The following DNAH5 variants were observed in gnomAD, a reference collection of about 807,000 sequenced individuals.
The protein encoded by DNAH5 is axonemal beta dynein heavy chain 5.
Under a neutral mutation model 518.2 loss-of-function variants are expected in DNAH5, and 372 were observed. The observed-to-expected ratio is 0.72, with a 90% CI of 0.66 to 0.78. The LOEUF (loss-of-function observed/expected upper bound fraction) is 0.78, where lower values mean the gene tolerates loss of function less well. DNAH5 is among the 30% of genes least tolerant of loss of function. The pLI is 0.00. For synonymous variants in DNAH5, 2,039 were observed against 2,025.9 expected (o/e 1.01, Z -0.17); for missense variants, 5,523 against 5,687.0 (o/e 0.97, Z 0.93).
intron 1 of DNAH5, among the ~76,000 whole-genome samples, chr5:13,966,717 T>C (rs1781552873): frequency 6.6e-6 from 1 of 152,246 alleles, no homozygotes; most frequent in Non-Finnish European, 1.5e-5. Flanking sequence ...GTTTGATTTT[T>C]TCTTGCCGAT....
At position 13,944,658 on chromosome 5, in the gene DNAH5, C is replaced by T. The variant is rs1779769410; in HGVS notation, c.-220G>A. The stretch of plus-strand genomic sequence containing the variant: ...TTTCTCCTAGAGTGTCTGCCCTGGG[C>T]CTCTCCTCTCTCTCGAAGCCTGGTG... On this transcript the variant is annotated 5_prime_UTR_variant, in exon 1 of 79. Coordinates refer to ENST00000265104, the MANE Select transcript of DNAH5 (RefSeq NM_001369.3). 5.2e-6 allele frequency: 3 copies of T among 574,034 alleles called. No individual in the cohort carries two copies. Among genetic ancestry groups the T allele is most frequent in the Non-Finnish European group, 9.4e-6 (3 of 319,426 alleles). The allele number at this position is 574,034 out of a possible 1,614,324, so 35.6% of individuals were successfully genotyped here.
intron 68 of DNAH5, among the ~76,000 whole-genome samples, chr5:13,730,580 A>G (rs1579947008): frequency 6.6e-6 from 1 of 151,824 alleles, no homozygotes; most frequent in Admixed American, 6.6e-5. Flanking sequence ...GACTACAGGC[A>G]CCCGCCACCA....
At chr5:13,906,834 G>A (rs975701494) in intron 12 of DNAH5, among the ~76,000 whole-genome samples, 8 of 151,976 alleles carry the variant, frequency 5.3e-5, no homozygotes, top group African/African-American at 9.7e-5. Context: ...GTGACCCTTC[G>A]TGGAAAAGAT....
chr5:13,979,817 A>T (rs1476901503), intron 1 of DNAH5, among the ~76,000 whole-genome samples: 2 of 150,662 alleles, frequency 1.3e-5, no homozygotes, highest in Non-Finnish European at 2.9e-5. Context: ...TTACTGATCA[A>T]CTGCATTTGG....
In DNAH5 at chr5:13,885,948, T is replaced by C; in HGVS notation, c.2743+16A>G. ...GTCATAGAAAAACAAGACCCTTTCA[T>C]TACCCCATCTCTTACCTGAACTTTC... On this transcript the variant is annotated intron_variant, in intron 18 of 78. Coordinates refer to ENST00000265104, the MANE Select transcript of DNAH5 (RefSeq NM_001369.3). 6.2e-7 allele frequency: 1 copy of C among 1,609,474 alleles called. No individual in the cohort carries two copies. Among genetic ancestry groups the C allele is most frequent in the Non-Finnish European group, 8.5e-7 (1 of 1,177,650 alleles).
At chr5:13,941,438 T>C (rs1779450953) in intron 1 of DNAH5, among the ~76,000 whole-genome samples, 1 of 152,194 alleles carries the variant, frequency 6.6e-6, no homozygotes, top group African/African-American at 2.4e-5. Flanking sequence ...TCCAGTGCTC[T>C]AAGGAAATGG....
rs1765486674 is a variant in DNAH5 at position 13,842,932 on chromosome 5, C to T, written c.5272-1028G>A. On this transcript the variant is annotated intron_variant, in intron 32 of 78. Transcript: ENST00000265104. ...GCATTTAATTCACAAAAGGGAGCTA[C>T]ACAGTAAATAAGATACTGAAAGACA... 3.3e-5 allele frequency among the ~76,000 whole-genome samples: 5 copies of T among 152,152 alleles called. No individual in the cohort carries two copies. The South Asian group carries it at 1.0e-3, about 32-fold the overall frequency.
Position 13,823,331 on chromosome 5 carries a change from C to G in DNAH5, c.6619G>C (p.Asp2207His). 1 of 1,613,930 alleles carries G rather than the reference C, an allele frequency of 6.2e-7. No homozygotes were observed. The highest frequency in any genetic ancestry group is 8.5e-7 in the Non-Finnish European group (1 of 1,179,888). Residue 2207 changes from aspartate (D) to histidine (H), a missense_variant, in exon 40 of 79, where the codon GAT (aspartate) becomes CAT (histidine). Asp to His is a moderately conservative substitution (Grantham distance 81). Transcript: ENST00000265104. ...TCCAGAAGAATATTTGGAAAGAGAT[C>G]TTCAATCAAACTCAAAAACAAGGGT... ...DEPLFLSLIEDLFPNILLDKA... is the reference protein window; with the variant it reads ...DEPLFLSLIEHLFPNILLDKA...
At position 13,745,469 on chromosome 5, in the gene DNAH5, G is replaced by A. The variant is rs118045548; in HGVS notation, c.11211+5609C>T. ...CATCCATACGCTCTAAGGTTTACAC[G>A]TGTTTCTGAAGCAAACAAACCTGAA... On this transcript the variant is annotated intron_variant, in intron 65 of 78. Coordinates refer to ENST00000265104, the MANE Select transcript of DNAH5 (RefSeq NM_001369.3). Among the ~76,000 whole-genome samples, 20 of 152,172 alleles carry A rather than the reference G, an allele frequency of 1.3e-4. No homozygotes were observed. The East Asian group carries it at 2.9e-3, about 22-fold the overall frequency.
intron 2 of DNAH5, among the ~76,000 whole-genome samples, chr5:13,928,983 C>T (rs1375591110): frequency 6.6e-6 from 1 of 152,188 alleles, no homozygotes; most frequent in African/African-American, 2.4e-5. Context: ...CCGGGAACTC[C>T]ACTTCTGGGT....
chr5:13,927,966 C>A, intron 3 of DNAH5, 128 bp downstream of exon 3: 1 of 732,778 alleles, frequency 1.4e-6, no homozygotes, highest in South Asian at 1.5e-5. Flanking sequence ...CACATGGACC[C>A]ACACACGCAT....
At chr5:13,779,235 T>TTAGAA (rs1484447727) in intron 53 of DNAH5, among the ~76,000 whole-genome samples, 1 of 152,222 alleles carries the variant, frequency 6.6e-6, no homozygotes, top group East Asian at 1.9e-4. Flanking sequence ...GCTTGATTTC[T>TTAGAA]AACCAAAAAC....
intron 64 of DNAH5, among the ~76,000 whole-genome samples, chr5:13,751,897 G>A (rs1750288323): frequency 6.6e-6 from 1 of 152,152 alleles, no homozygotes; most frequent in African/African-American, 2.4e-5. Context: ...AGGCTTCAAA[G>A]CTGTCAGCAT....
At position 13,823,284 on chromosome 5, in the gene DNAH5, C is replaced by A. The variant is rs1762463272; in HGVS notation, c.6666G>T (p.Leu2222=). 5.0e-6 allele frequency: 8 copies of A among 1,612,404 alleles called. No individual in the cohort carries two copies. The South Asian group carries it at 8.8e-5, about 18-fold the overall frequency. The part of the protein sequence containing the change: ...ILLDKAGYPE[L]EAAISRQVEE... ...TTACCTGTCTACTAATTGCTGCTTC[C>A]AGTTCAGGGTAACCTGCCTTGTCCA... is the stretch of plus-strand genomic sequence containing the variant. Residue 2222 remains leucine, a synonymous_variant, in exon 40 of 79, where the codon CTG becomes CTT. Transcript: ENST00000265104.
chr5:13,989,022 T>C (rs1460315719), intron 1 of DNAH5, among the ~76,000 whole-genome samples: 4 of 152,042 alleles, frequency 2.6e-5, no homozygotes, highest in African/African-American at 9.7e-5. Context: ...CCACCGCACC[T>C]GGCCCAAAAA....
chr5:13,748,896 G>A (rs1225373169), intron 65 of DNAH5, among the ~76,000 whole-genome samples: 1 of 151,670 alleles, frequency 6.6e-6, no homozygotes, highest in Non-Finnish European at 1.5e-5. Flanking sequence ...GATTGCCCTG[G>A]CCAGAACTGA....
intron 1 of DNAH5, among the ~76,000 whole-genome samples, chr5:13,934,302 C>A (rs1778710953): frequency 6.6e-6 from 1 of 152,286 alleles, no homozygotes; most frequent in Admixed American, 6.5e-5. Context: ...GTTTCCCCTA[C>A]AGATGACAGC....
At chr5:13,888,386 C>T (rs1381457326) in intron 17 of DNAH5, among the ~76,000 whole-genome samples, 1 of 152,196 alleles carries the variant, frequency 6.6e-6, no homozygotes, top group East Asian at 1.9e-4. Context: ...GCATGTTCTT[C>T]CACTAAAATG....
At position 13,740,113 on chromosome 5, in the gene DNAH5, T is replaced by C. The variant is rs1279738759; in HGVS notation, c.11212-2618A>G. Among the ~76,000 whole-genome samples, 5 of 152,190 alleles carry C rather than the reference T, an allele frequency of 3.3e-5. No homozygotes were observed. The East Asian group carries it at 9.7e-4, about 29-fold the overall frequency. The stretch of plus-strand genomic sequence containing the variant: ...ACCTTTGAACCCTGCTTGGTCACTT[T>C]CTTCTCCTCAAATTCAACAACAAAT... On this transcript the variant is annotated intron_variant, in intron 65 of 78. Transcript: ENST00000265104.
Sources: allele counts gnomAD v4.1 joint callset (sites outside exome capture counted in the v4.1 genomes callset), GRCh38; gene constraint gnomAD v4.1.1; transcripts MANE v1.5; gene names NCBI Gene and HGNC (gene_info 2026-07-23, HGNC 2026-07-21).